The following CFTR variants were observed in gnomAD, a reference collection of about 807,000 sequenced individuals.
The protein encoded by CFTR is cystic fibrosis transmembrane conductance regulator.
CFTR carries 181 observed loss-of-function variants against 171.6 expected under a neutral mutation model. The observed-to-expected ratio is 1.05, with a 90% CI of 0.93 to 1.19. The LOEUF (loss-of-function observed/expected upper bound fraction) is 1.19, where lower values mean the gene tolerates loss of function less well. Among genes scored for constraint, CFTR ranks in the 50% most tolerant of loss-of-function variants. The pLI, the probability that CFTR is intolerant of heterozygous loss-of-function variation, is 0.00. For missense variants in CFTR, 1,968 were observed against 1,734.7 expected, an observed-to-expected ratio of 1.13 and a Z score of -2.39; for synonymous variants, 583 against 608.0, an observed-to-expected ratio of 0.96 and a Z score of 0.60.
At position 117,665,573 on chromosome 7, in the gene CFTR, T is replaced by A. The variant is rs1409665597; in HGVS notation, c.4242+9T>A. 6.5e-7 allele frequency: 1 copy of A among 1,533,772 alleles called. No homozygotes were observed. Among genetic ancestry groups the A allele is most frequent in the South Asian group, 1.1e-5 (1 of 89,380 alleles). On this transcript the variant is annotated intron_variant, in intron 26 of 26. Transcript: ENST00000003084. ...AATGCCAACAATTTTTGGTGAGTCT[T>A]TATAACTTTACTTAAGATCTCATTG...
intron 4 of CFTR, among the ~76,000 whole-genome samples, chr7:117,533,210 C>T (rs1448159252): frequency 6.6e-6 from 1 of 152,134 alleles, no homozygotes; most frequent in East Asian, 1.9e-4. Context: ...CAATTTAGCT[C>T]AGTGGATTTC....
chr7:117,617,582 A>T (rs1792512601), intron 21 of CFTR, among the ~76,000 whole-genome samples: 1 of 151,442 alleles, frequency 6.6e-6, no homozygotes, highest in Admixed American at 6.6e-5. Context: ...ATCTTTTTTT[A>T]AAAATCTAAA....
chr7:117,597,399 G>T (rs1468601710), intron 15 of CFTR, among the ~76,000 whole-genome samples: 1 of 152,196 alleles, frequency 6.6e-6, no homozygotes, highest in East Asian at 1.9e-4. Context: ...TTTGACTGCA[G>T]AAAATGGATG....
chr7:117,624,154 G>A (rs1031065538), intron 21 of CFTR, among the ~76,000 whole-genome samples: 5 of 152,256 alleles, frequency 3.3e-5, no homozygotes, highest in South Asian at 2.1e-4. Flanking sequence ...ATTTGAGCAC[G>A]CATTCCACTG....
chr7:117,602,284 C>T (rs1408191241), intron 15 of CFTR, among the ~76,000 whole-genome samples: 1 of 152,210 alleles, frequency 6.6e-6, no homozygotes, highest in East Asian at 1.9e-4. Flanking sequence ...GATCTGCCTG[C>T]CTTGGCCTCC....
chr7:117,575,231 T>C (rs1293590801), intron 11 of CFTR, among the ~76,000 whole-genome samples: 1 of 152,144 alleles, frequency 6.6e-6, no homozygotes, highest in Non-Finnish European at 1.5e-5. Context: ...AAAGTTCCCA[T>C]TTCCTCAAAT....
intron 24 of CFTR, among the ~76,000 whole-genome samples, chr7:117,662,101 G>C (rs1350030075): frequency 6.6e-6 from 1 of 151,468 alleles, no homozygotes; most frequent in African/African-American, 2.4e-5. Context: ...GAAATTTATA[G>C]CATCTTGAAT....
intron 26 of CFTR, 95 bp from the exon 27 acceptor site, chr7:117,666,813 G>T: frequency 9.5e-7 from 1 of 1,048,948 alleles, no homozygotes; most frequent in Admixed American, 1.8e-5. Flanking sequence ...TGCATTCTTT[G>T]ACTTTTATTT....
intron 4 of CFTR, among the ~76,000 whole-genome samples, chr7:117,532,829 G>A (rs1584785861): frequency 6.6e-6 from 1 of 152,174 alleles, no homozygotes; most frequent in African/African-American, 2.4e-5. Flanking sequence ...CACCAAAGAA[G>A]GCAATCCCAT....
intron 15 of CFTR, among the ~76,000 whole-genome samples, chr7:117,599,634 C>A (rs781482891): frequency 5.0e-4 from 76 of 152,068 alleles, no homozygotes; most frequent in Admixed American, 2.6e-4. Flanking sequence ...ATCCTCTAGA[C>A]CTTGCCAGTT....
intron 16 of CFTR, 105 bp downstream of exon 16, chr7:117,602,968 T>C (rs190403666): frequency 9.2e-7 from 1 of 1,086,122 alleles, no homozygotes; most frequent in East Asian, 2.4e-5. Flanking sequence ...GTTTCATTTC[T>C]CCCAAGCATT....
chr7:117,586,426 A>G (rs915166341), intron 11 of CFTR: 1 of 152,136 alleles, frequency 6.6e-6, no homozygotes, highest in African/African-American at 2.4e-5. Flanking sequence ...TTGTTACTCT[A>G]GATCAGAAAT....
chr7:117,586,035 C>A (rs1297106580), intron 11 of CFTR, among the ~76,000 whole-genome samples: 1 of 152,172 alleles, frequency 6.6e-6, no homozygotes, highest in East Asian at 1.9e-4. Context: ...TTTGTAATTG[C>A]TGTAAAACTG....
chr7:117,498,497 A>G (rs922539669), intron 1 of CFTR, among the ~76,000 whole-genome samples: 2 of 152,208 alleles, frequency 1.3e-5, no homozygotes, highest in African/African-American at 4.8e-5. Context: ...AGTTTTACAC[A>G]GGACTTTAGA....
intron 10 of CFTR, among the ~76,000 whole-genome samples, chr7:117,557,631 T>C (rs996098642): frequency 5.3e-5 from 8 of 152,132 alleles, no homozygotes; most frequent in African/African-American, 9.7e-5. Context: ...TTCTTTTTCA[T>C]TGAATGTATT....
In CFTR at chr7:117,570,013, T is replaced by C. The variant is rs572839401; in HGVS notation, c.1584+10358T>C. On this transcript the variant is annotated intron_variant, in intron 11 of 26. Transcript: ENST00000003084. ...TCAACAATAAAAAATTAGGGTGATA[T>C]ATAGAGTGCCAGGGAAAGTGCTTTC... Among the ~76,000 whole-genome samples, 233 of 152,020 alleles carry C rather than the reference T, an allele frequency of 1.5e-3. 3 individuals are homozygous for C. In the South Asian group the frequency reaches 0.047, roughly 30 times the overall value.
chr7:117,667,848 CAG>C lies in CFTR; in HGVS notation c.*741_*742del, dbSNP rs559905860. 1 of 153,994 alleles carries C rather than the reference CAG, an allele frequency of 6.5e-6. No homozygotes were observed. The highest frequency in any genetic ancestry group is 2.4e-5 in the African/African-American group (1 of 41,566). The allele number at this position is 153,994 out of a possible 1,614,324, so 9.5% of individuals were successfully genotyped here. On this transcript the variant is annotated 3_prime_UTR_variant, in exon 27 of 27. Coordinates refer to ENST00000003084, the MANE Select transcript of CFTR (RefSeq NM_000492.4). ...GGGAAAGGGCTGTTATAATCTTTCA[CAG>C]GGGACAGGATGGTTCCCTTGATGAA...
At chr7:117,630,884 G>A (rs1442967794) in intron 22 of CFTR, among the ~76,000 whole-genome samples, 1 of 152,132 alleles carries the variant, frequency 6.6e-6, no homozygotes. Context: ...GGCATAACAT[G>A]AGGCAAAGGG....
chr7:117,622,871 C>A (rs1279004752), intron 21 of CFTR, among the ~76,000 whole-genome samples: 1 of 152,054 alleles, frequency 6.6e-6, no homozygotes, highest in Admixed American at 6.6e-5. Flanking sequence ...TAAATGCATC[C>A]CTTATAAAGT....
Sources: allele counts gnomAD v4.1 joint callset (sites outside exome capture counted in the v4.1 genomes callset), GRCh38; gene constraint gnomAD v4.1.1; transcripts MANE v1.5; gene names NCBI Gene and HGNC (gene_info 2026-07-23, HGNC 2026-07-21).